Variants in ATP9A observed in about 807,000 individuals in gnomAD.
ATP9A encodes probable phospholipid-transporting ATPase IIA.
A neutral mutation model predicts 144.1 loss-of-function variants in ATP9A; 52 were observed. The ratio of observed to expected loss-of-function variants is 0.36; its 90% CI spans 0.29 to 0.45. The LOEUF is 0.45. ATP9A is among the 20% of genes least tolerant of loss of function. ATP9A has a pLI of 1.00. For missense variants in ATP9A, 947 were observed against 1,392.7 expected (o/e 0.68, Z 5.09); for synonymous variants, 582 against 557.4 (o/e 1.04, Z -0.62).
chr20:51,751,656 C>T (rs948366276), intron 1 of ATP9A, among the ~76,000 whole-genome samples: 30 of 152,038 alleles, frequency 2.0e-4, no homozygotes, highest in Admixed American at 2.6e-4. Context: ...GGCGCAATCT[C>T]GGCTCACTGC....
intron 9 of ATP9A, among the ~76,000 whole-genome samples, chr20:51,684,565 A>G (rs888068411): frequency 2.6e-5 from 4 of 151,420 alleles, no homozygotes; most frequent in Non-Finnish European, 5.9e-5. Flanking sequence ...GCGCGGTGCC[A>G]GGCACCTGTA....
At chr20:51,717,811 G>C (rs185465698) in intron 3 of ATP9A, among the ~76,000 whole-genome samples, 5 of 151,996 alleles carry the variant, frequency 3.3e-5, no homozygotes, top group African/African-American at 4.8e-5. Flanking sequence ...AAACTTAGCC[G>C]AGCATGGTGG....
intron 14 of ATP9A, among the ~76,000 whole-genome samples, chr20:51,642,013 G>A (rs955331711): frequency 9.4e-5 from 14 of 149,220 alleles, no homozygotes; most frequent in Non-Finnish European, 1.6e-4. Context: ...CTTCTTTCTT[G>A]ATTTTTTGTA....
At chr20:51,711,788 GT>G (rs199916174) in intron 4 of ATP9A, among the ~76,000 whole-genome samples, 33,323 of 135,330 alleles carry the variant, frequency 0.25, 4,331 homozygotes, top group East Asian at 0.45. Flanking sequence ...TATCTTGCAA[GT>G]GGGGGGTCAG....
intron 5 of ATP9A, among the ~76,000 whole-genome samples, 173 bp downstream of exon 5, chr20:51,697,239 GTGTGTGTGTGTC>G (rs986291056): frequency 6.6e-5 from 9 of 136,296 alleles, no homozygotes; most frequent in Admixed American, 6.3e-4. Flanking sequence ...AAATATTTGT[GTGTGTGTGTGTC>G]TGTGTGTGTG....
chr20:51,678,947 G>A (rs1286741136), intron 9 of ATP9A, among the ~76,000 whole-genome samples: 1 of 152,130 alleles, frequency 6.6e-6, no homozygotes, highest in Non-Finnish European at 1.5e-5. Context: ...GCACACACCG[G>A]ATGCGCCTTG....
At chr20:51,712,847 G>A (rs201174817) in intron 4 of ATP9A, 119 bp downstream of exon 4, 11 of 858,400 alleles carry the variant, frequency 1.3e-5, no homozygotes, top group East Asian at 7.9e-5. Flanking sequence ...GTAACCAAGC[G>A]ACTGTTCCGC....
intron 14 of ATP9A, among the ~76,000 whole-genome samples, chr20:51,651,388 A>C (rs2077365973): frequency 7.0e-6 from 1 of 143,774 alleles, no homozygotes; most frequent in Admixed American, 7.3e-5. Context: ...ACATATTTAT[A>C]ATATGTAAAT....
chr20:51,711,817 T>C (rs574805978), intron 4 of ATP9A, among the ~76,000 whole-genome samples: 1 of 151,842 alleles, frequency 6.6e-6, no homozygotes, highest in South Asian at 2.1e-4. Flanking sequence ...AGCTTTTTCA[T>C]ATCCCTGGGA....
rs1044914349 is a variant in ATP9A, at chr20:51,658,931, T to A, written c.1294-1781A>T. 3.3e-5 allele frequency among the ~76,000 whole-genome samples: 4 copies of A among 121,448 alleles called. No individual in the cohort carries two copies. The East Asian group carries it at 1.2e-3, about 37-fold the overall frequency. The allele number at this position is 121,448 out of a possible 152,430, so 79.7% of individuals were successfully genotyped here. On this transcript the variant is annotated intron_variant, in intron 13 of 27. Transcript: ENST00000338821. ...GGCTCATTGTTGAACACAAGCCAAA[T>A]GCCCTCGCATCTGATCAACACCTGC... is the stretch of plus-strand genomic sequence containing the variant.
At position 51,656,950 on chromosome 20, in the gene ATP9A, G is replaced by A. The variant is rs61737127; in HGVS notation, c.1494C>T (p.Ser498=). The part of the protein sequence containing the change: ...YEDSCRVYQA[S]SPDEVALVQW... ...TGCCCAGGTTTACCTCATCGGGGCT[G>A]GATGCCTGGTATACGCGGCAGGAGT... The change falls in exon 14 of 28, where the codon TCC becomes TCT. Residue 498 remains serine, a synonymous_variant. Coordinates refer to ENST00000338821, the MANE Select transcript of ATP9A (RefSeq NM_006045.3). 278 of 1,613,810 alleles carry A rather than the reference G, an allele frequency of 1.7e-4. No homozygotes were observed. The African/African-American group carries it at 3.2e-3, about 18-fold the overall frequency.
chr20:51,748,907 T>TCAGA (rs2077819236), intron 1 of ATP9A, among the ~76,000 whole-genome samples: 1 of 143,156 alleles, frequency 7.0e-6, no homozygotes, highest in Non-Finnish European at 1.5e-5. Context: ...CCTCTAAAGA[T>TCAGA]TAGATAGATA....
intron 14 of ATP9A, among the ~76,000 whole-genome samples, chr20:51,652,821 C>G (rs560268549): frequency 3.9e-5 from 6 of 151,972 alleles, no homozygotes; most frequent in Non-Finnish European, 5.9e-5. Context: ...AAAAAAACCA[C>G]AGCAAGGCCA....
At chr20:51,760,525 G>A (rs929671769) in intron 1 of ATP9A, among the ~76,000 whole-genome samples, 12 of 152,114 alleles carry the variant, frequency 7.9e-5, no homozygotes, top group Non-Finnish European at 5.9e-5. Context: ...TCAGGAGTTC[G>A]AGACTAGCCT....
intron 14 of ATP9A, among the ~76,000 whole-genome samples, chr20:51,653,307 A>G (rs1315417409): frequency 6.6e-6 from 1 of 152,144 alleles, no homozygotes; most frequent in African/African-American, 2.4e-5. Flanking sequence ...CGAGAAGTGC[A>G]AAGCATTCCA....
chr20:51,657,334 G>T (rs538058703), intron 13 of ATP9A, among the ~76,000 whole-genome samples, 184 bp from the exon 14 acceptor site: 1 of 150,852 alleles, frequency 6.6e-6, no homozygotes, highest in Non-Finnish European at 1.5e-5. Context: ...ATTTATGCTC[G>T]GCAAAAAAAA....
At chr20:51,727,188 T>C (rs1423932953) in intron 2 of ATP9A, among the ~76,000 whole-genome samples, 2 of 150,956 alleles carry the variant, frequency 1.3e-5, no homozygotes, top group African/African-American at 4.9e-5. Flanking sequence ...GGCAAGAGAA[T>C]CGCTTGAACA....
At chr20:51,682,189 C>T (rs78848447) in intron 9 of ATP9A, among the ~76,000 whole-genome samples, 17,609 of 152,090 alleles carry the variant, frequency 0.12, 1,308 homozygotes, top group Non-Finnish European at 0.16. Context: ...TAAACCCCCG[C>T]AGCATGCAAT....
At chr20:51,613,920 GGAA>G (rs1428130931) in intron 22 of ATP9A, 88 bp from the exon 23 acceptor site, 3 of 1,365,290 alleles carry the variant, frequency 2.2e-6, no homozygotes, top group Non-Finnish European at 3.0e-6. Flanking sequence ...AGACATTGTA[GGAA>G]ATCTTTGAAG....
Sources: gnomAD v4.1 joint callset for allele counts (sites outside exome capture counted in the v4.1 genomes callset) on GRCh38, gnomAD v4.1.1 for gene constraint, MANE v1.5 for transcripts, NCBI Gene and HGNC (gene_info 2026-07-23, HGNC 2026-07-21) for gene names.